The following VLDLR variants were observed in gnomAD, a reference collection of about 807,000 sequenced individuals.
VLDLR encodes the protein very low-density lipoprotein receptor.
VLDLR carries 81 observed loss-of-function variants against 112.7 expected under a neutral mutation model. That is an observed-to-expected ratio of 0.72 (90% CI 0.60 to 0.86). VLDLR has a LOEUF of 0.86. Ranked by LOEUF, VLDLR falls within the 40% of genes least tolerant of loss-of-function variation. The pLI, the probability that VLDLR is intolerant of heterozygous loss-of-function variation, is 0.00. For synonymous variants in VLDLR, 436 were observed against 384.8 expected, an observed-to-expected ratio of 1.13 and a Z score of -1.56; for missense variants, 1,237 against 1,099.4, an observed-to-expected ratio of 1.13 and a Z score of -1.77.
Position 2,659,744 on chromosome 9 carries a change from T to C in VLDLR, c.*5876T>C, listed in dbSNP as rs1295188778. The C allele has an allele frequency of 6.6e-6, 1 of 152,246 alleles. No homozygotes were observed. The highest frequency in any genetic ancestry group is 1.5e-5 in the Non-Finnish European group (1 of 68,042). The allele number at this position is 152,246 out of a possible 1,614,324, so 9.4% of individuals were successfully genotyped here. ...ACTGGATCTTAAGTATTCTGGAATATACCAGATTGGTAGAACTACCAGACT... is the reference window on the plus strand; with the variant it reads ...ACTGGATCTTAAGTATTCTGGAATACACCAGATTGGTAGAACTACCAGACT... On this transcript the variant is annotated 3_prime_UTR_variant, in exon 19 of 19. Coordinates refer to ENST00000382100, the MANE Select transcript of VLDLR (RefSeq NM_003383.5).
chr9:2,645,454 A>T, intron 9 of VLDLR, 120 bp from the exon 10 acceptor site: 1 of 1,241,472 alleles, frequency 8.1e-7, no homozygotes, highest in Non-Finnish European at 1.2e-6. Flanking sequence ...CAGAACAGAT[A>T]CTACTGAGGT....
chr9:2,633,700 C>T, intron 1 of VLDLR, among the ~76,000 whole-genome samples: 1 of 152,102 alleles, frequency 6.6e-6, no homozygotes, highest in Admixed American at 6.5e-5. Flanking sequence ...TACCTATGTT[C>T]TCAGACTACA....
rs1469998388 is a variant in VLDLR, at chr9:2,651,965, T to C, written c.2416+11T>C. On this transcript the variant is annotated intron_variant, in intron 17 of 18. Transcript: ENST00000382100. ...CCATTCTTCCTCTCTGTAAGTAGAT[T>C]TCCTACAAGTCTGGGTTCAAGAACT... 6.2e-7 allele frequency: 1 copy of C among 1,613,790 alleles called. No individual in the cohort carries two copies. The highest frequency in any genetic ancestry group is 1.1e-5 in the South Asian group (1 of 91,062).
chr9:2,640,328 G>A (rs1162971289), intron 3 of VLDLR, among the ~76,000 whole-genome samples: 1 of 152,222 alleles, frequency 6.6e-6, no homozygotes, highest in Non-Finnish European at 1.5e-5. Context: ...GCTAAGTCAA[G>A]AAGTGAGGGT....
chr9:2,659,075 T>G lies in VLDLR; in HGVS notation c.*5207T>G, dbSNP rs968907715. ...GTCTTTAGATGGCTGCCAAAGCACT[T>G]AAAATCTCCTTTAAATTCTTACCAT... On this transcript the variant is annotated 3_prime_UTR_variant, in exon 19 of 19. Coordinates refer to ENST00000382100, the MANE Select transcript of VLDLR (RefSeq NM_003383.5). The G allele has an allele frequency of 6.6e-5, 10 of 152,176 alleles. No individual in the cohort carries two copies. The highest frequency in any genetic ancestry group is 5.2e-4 in the Admixed American group (8 of 15,274). The allele number at this position is 152,176 out of a possible 1,614,324, so 9.4% of individuals were successfully genotyped here.
Position 2,643,307 on chromosome 9 carries a change from A to C in VLDLR, c.596A>C (p.Gln199Pro), listed in dbSNP as rs752336198. 6.2e-7 allele frequency: 1 copy of C among 1,613,874 alleles called. No homozygotes were observed. Among genetic ancestry groups the C allele is most frequent in the Non-Finnish European group, 8.5e-7 (1 of 1,179,808 alleles). Residue 199 changes from glutamine to proline, a missense_variant, in exon 5 of 19, where the codon CAG becomes CCG. Transcript: ENST00000382100. ...APPTCGAHEF[Q>P]CSTSSCIPIS... ...CCAACCTGTGGCGCCCATGAGTTCC[A>C]GTGCAGCACCTCCTCCTGCATCCCC...
intron 12 of VLDLR, 171 bp downstream of exon 12, chr9:2,647,763 A>G: frequency 2.9e-6 from 2 of 701,644 alleles, no homozygotes; most frequent in Non-Finnish European, 5.1e-6. Flanking sequence ...TGGATTAACA[A>G]ATTACACATT....
chr9:2,651,325 A>T, intron 15 of VLDLR, 90 bp from the exon 16 acceptor site: 1 of 1,150,518 alleles, frequency 8.7e-7, no homozygotes, highest in Non-Finnish European at 1.3e-6. Flanking sequence ...ACCTGGTTTT[A>T]AAATAACCTT....
At chr9:2,626,110 G>A (rs1817076703) in intron 1 of VLDLR, among the ~76,000 whole-genome samples, 1 of 152,218 alleles carries the variant, frequency 6.6e-6, no homozygotes, top group Non-Finnish European at 1.5e-5. Flanking sequence ...GATAACACAG[G>A]TTAAGTGTCC....
chr9:2,631,093 G>A (rs1209624345), intron 1 of VLDLR, among the ~76,000 whole-genome samples: 4 of 152,120 alleles, frequency 2.6e-5, no homozygotes, highest in South Asian at 2.1e-4. Flanking sequence ...TTAGAGAAAT[G>A]CAAACCAAAA....
rs1228401235 is a variant in VLDLR at position 2,657,844 on chromosome 9, GC to G, written c.*3977del. ...TATATAGTCTCTAAGGCCAGAAGGG[GC>G]TTATAATGACTTCTCTTCTAGAATT... On this transcript the variant is annotated 3_prime_UTR_variant, in exon 19 of 19. Coordinates refer to ENST00000382100, the MANE Select transcript of VLDLR (RefSeq NM_003383.5). 2 of 152,114 alleles carry G rather than the reference GC, an allele frequency of 1.3e-5. No homozygotes were observed. The highest frequency in any genetic ancestry group is 1.5e-5 in the Non-Finnish European group (1 of 68,020). The allele number at this position is 152,114 out of a possible 1,614,324, so 9.4% of individuals were successfully genotyped here. A position where few individuals can be genotyped will look rare whatever the true frequency, so the allele number is the denominator to read the frequency against.
chr9:2,650,447 C>G lies in VLDLR; in HGVS notation c.2182C>G (p.His728Asp). The G allele has an allele frequency of 1.2e-6, 2 of 1,614,086 alleles. No individual in the cohort carries two copies. The highest frequency in any genetic ancestry group is 2.2e-5 in the South Asian group (2 of 91,080). Residue 728 changes from histidine (H) to aspartate (D), a missense_variant, in exon 15 of 19, where the codon CAC becomes GAC. By Grantham distance (81) the His-to-Asp change is moderately conservative (BLOSUM62 -1). Transcript: ENST00000382100. ...LCLPAPQINDHSPKYTCSCPS... is the reference protein window; with the variant it reads ...LCLPAPQINDDSPKYTCSCPS... ...CCTGCCAGCACCACAGATTAATGAT[C>G]ACTCTCCAAAATATACCTGTTCCTG...
chr9:2,628,368 T>G (rs964271415), intron 1 of VLDLR, among the ~76,000 whole-genome samples: 2 of 152,134 alleles, frequency 1.3e-5, no homozygotes, highest in Non-Finnish European at 2.9e-5. Flanking sequence ...ATGAACAAAC[T>G]GAGACAAAGC....
intron 1 of VLDLR, among the ~76,000 whole-genome samples, chr9:2,634,251 T>C (rs141135598): frequency 2.2e-4 from 33 of 152,322 alleles, no homozygotes; most frequent in Middle Eastern, 3.4e-3. Context: ...TAGGGTATTG[T>C]GCACGTAACA....
chr9:2,622,346 C>G, intron 1 of VLDLR, 75 bp downstream of exon 1: 1 of 1,309,060 alleles, frequency 7.6e-7, no homozygotes, highest in Non-Finnish European at 9.9e-7. Flanking sequence ...GCGTAGGTCT[C>G]CGTTTGCCCA....
intron 1 of VLDLR, 164 bp downstream of exon 1, chr9:2,622,435 C>T (rs1047733505): frequency 1.7e-6 from 1 of 598,706 alleles, no homozygotes; most frequent in Non-Finnish European, 2.6e-6. Context: ...GAGCTGTCAG[C>T]GCCGAGGCTA....
Position 2,656,746 on chromosome 9 carries a change from A to T in VLDLR, c.*2878A>T, listed in dbSNP as rs898299034. 6.6e-6 allele frequency: 1 copy of T among 151,980 alleles called. No homozygotes were observed. The highest frequency in any genetic ancestry group is 2.4e-5 in the African/African-American group (1 of 41,334). The allele number at this position is 151,980 out of a possible 1,614,324, so 9.4% of individuals were successfully genotyped here. A position where few individuals can be genotyped will look rare whatever the true frequency, so the allele number is the denominator to read the frequency against. On this transcript the variant is annotated 3_prime_UTR_variant, in exon 19 of 19. Transcript: ENST00000382100. ...GAATTGCCACAAAGATTGATGATAG[A>T]TGAATAAACAGATTTGTGGCCTCTG...
At chr9:2,624,104 A>T (rs7022086) in intron 1 of VLDLR, among the ~76,000 whole-genome samples, 33,523 of 152,160 alleles carry the variant, frequency 0.22, 4,048 homozygotes, top group East Asian at 0.46. Flanking sequence ...ATGCACCTAA[A>T]CTACTGACAT....
chr9:2,648,257 A>G lies in VLDLR; in HGVS notation c.1872A>G (p.Leu624=), dbSNP rs200112781. 15 of 1,614,214 alleles carry G rather than the reference A, an allele frequency of 9.3e-6. No individual in the cohort carries two copies. The highest frequency in any genetic ancestry group is 2.2e-5 in the East Asian group (1 of 44,888). Reference sequence around the variant, plus strand: ...GGCTTGATTCTAAGTTGCACATGTTATCCAGCGTGGACTTGAATGGCCAAG... The same window carrying G: ...GGCTTGATTCTAAGTTGCACATGTTGTCCAGCGTGGACTTGAATGGCCAAG... ...LYWLDSKLHM[L]SSVDLNGQDR... The change falls in exon 13 of 19, where the codon TTA becomes TTG. Residue 624 remains leucine, a synonymous_variant. Transcript: ENST00000382100.
Sources: gnomAD v4.1 joint callset for allele counts (sites outside exome capture counted in the v4.1 genomes callset) on GRCh38, gnomAD v4.1.1 for gene constraint, MANE v1.5 for transcripts, NCBI Gene and HGNC (gene_info 2026-07-23, HGNC 2026-07-21) for gene names.